The following CSMD1 variants were observed in gnomAD, a reference collection of about 807,000 sequenced individuals.
The protein encoded by CSMD1 is CUB and Sushi multiple domains 1, also known as CUB and sushi domain-containing protein 1.
A neutral mutation model predicts 417.5 loss-of-function variants in CSMD1; 213 were observed. The ratio of observed to expected loss-of-function variants is 0.51; its 90% CI spans 0.46 to 0.57. The LOEUF (loss-of-function observed/expected upper bound fraction) is 0.57, where lower values mean the gene tolerates loss of function less well. CSMD1 is among the 20% of genes least tolerant of loss of function. The probability of loss-of-function intolerance (pLI) is 0.00; values close to 1 mark genes in which losing one functional copy is unlikely to be tolerated. For missense variants in CSMD1, 6,923 were observed against 4,529.7 expected (o/e 1.53, Z -15.17); for synonymous variants, 2,862 against 1,736.8 (o/e 1.65, Z -16.11).
chr8:3,230,105 G>T lies in CSMD1; in HGVS notation c.4280C>A (p.Ala1427Asp), dbSNP rs1389240443. 6.2e-7 allele frequency: 1 copy of T among 1,613,608 alleles called. No individual in the cohort carries two copies. Among genetic ancestry groups the T allele is most frequent in the Non-Finnish European group, 8.5e-7 (1 of 1,179,702 alleles). Residue 1427 changes from alanine to aspartate, a missense_variant, in exon 27 of 70, where the codon GCC (alanine) becomes GAC (aspartate). Transcript: ENST00000635120. ...ATTCAGCTGCACACAGGTGATTTTGGCTTGTCCTTGGAGCTGATAGCCAGG... is the reference window on the plus strand; with the variant it reads ...ATTCAGCTGCACACAGGTGATTTTGTCTTGTCCTTGGAGCTGATAGCCAGG... ...CDPGYQLQGQ[A>D]KITCVQLNNR...
chr8:3,559,421 T>A (rs1277803218), intron 10 of CSMD1, among the ~76,000 whole-genome samples: 1 of 152,196 alleles, frequency 6.6e-6, no homozygotes, highest in Non-Finnish European at 1.5e-5. Flanking sequence ...TCTGGGAATA[T>A]ACGCAACATA....
chr8:3,009,790 G>A (rs994687466), intron 52 of CSMD1, among the ~76,000 whole-genome samples: 23 of 152,172 alleles, frequency 1.5e-4, no homozygotes, highest in Admixed American at 1.2e-3. Context: ...ACAACACTCT[G>A]TGCTGTTTGT....
chr8:4,205,213 C>G (rs969039987), intron 3 of CSMD1, among the ~76,000 whole-genome samples: 5 of 152,166 alleles, frequency 3.3e-5, no homozygotes, highest in African/African-American at 1.2e-4. Context: ...GCACATTTCT[C>G]TTTGGTAGAA....
chr8:3,091,659 G>A lies in CSMD1; in HGVS notation c.7142C>T (p.Ser2381Phe). ...QFDALEVFDGSSGQSPLLVVL... is the reference protein window; with the variant it reads ...QFDALEVFDGFSGQSPLLVVL... ...TACTAGCAGAGGACTTTGCCCAGAA[G>A]AACCTAAGTGAAACAGAAAAACAAA... Residue 2381 changes from serine (S) to phenylalanine (F), a missense_variant, in exon 48 of 70, where the codon TCT becomes TTT. Ser to Phe is a radical substitution (Grantham distance 155). Transcript: ENST00000635120. 1.2e-6 allele frequency: 2 copies of A among 1,606,386 alleles called. No individual in the cohort carries two copies. The highest frequency in any genetic ancestry group is 1.7e-6 in the Non-Finnish European group (2 of 1,178,280).
chr8:4,787,798 G>C, intron 1 of CSMD1: 3 of 1,573,728 alleles, frequency 1.9e-6, no homozygotes, highest in South Asian at 2.2e-5. Flanking sequence ...GACTGAATTG[G>C]ATATCATGAG....
chr8:3,242,268 T>A (rs539875194), intron 26 of CSMD1, among the ~76,000 whole-genome samples: 4 of 150,952 alleles, frequency 2.6e-5, no homozygotes, highest in East Asian at 3.9e-4. Flanking sequence ...CTGAGGAAGA[T>A]TTGGGACCTA....
chr8:4,113,147 A>G (rs1238625181), intron 3 of CSMD1, among the ~76,000 whole-genome samples: 1 of 151,654 alleles, frequency 6.6e-6, no homozygotes, highest in African/African-American at 2.4e-5. Flanking sequence ...TCTTTATCTT[A>G]CTCTCCCTCC....
intron 40 of CSMD1, among the ~76,000 whole-genome samples, chr8:3,144,799 G>GA (rs1563083836): frequency 7.2e-6 from 1 of 138,436 alleles, no homozygotes. Flanking sequence ...CAACAAGGGG[G>GA]GGGGGGAGGG....
intron 4 of CSMD1, among the ~76,000 whole-genome samples, chr8:3,998,383 G>T (rs938383871): frequency 1.3e-5 from 2 of 152,186 alleles, no homozygotes; most frequent in Non-Finnish European, 2.9e-5. Flanking sequence ...TAGTTGCCAT[G>T]TACCTGACAT....
intron 3 of CSMD1, among the ~76,000 whole-genome samples, chr8:4,403,340 C>T (rs1804780055): frequency 6.6e-6 from 1 of 152,232 alleles, no homozygotes. Context: ...CATTTTAGAA[C>T]AAAACTCCTT....
At chr8:4,222,755 G>C (rs1000910224) in intron 3 of CSMD1, among the ~76,000 whole-genome samples, 63 of 152,220 alleles carry the variant, frequency 4.1e-4, no homozygotes, top group African/African-American at 1.5e-3. Flanking sequence ...TGCCCAGATG[G>C]AGGTTATAGT....
chr8:3,995,665 T>G (rs143769176), intron 5 of CSMD1, among the ~76,000 whole-genome samples: 1 of 152,330 alleles, frequency 6.6e-6, no homozygotes, highest in Admixed American at 6.5e-5. Flanking sequence ...TTTTTAAATC[T>G]ACAATAATAA....
In CSMD1 at chr8:3,697,549, A is replaced by G. The variant is rs1585092668; in HGVS notation, c.1009+10865T>C. On this transcript the variant is annotated intron_variant, in intron 7 of 69. Transcript: ENST00000635120. ...TTAAAGTTTCTGACTTTAGTTACTC[A>G]CTAACAAAGACTTGCTCATGTAAGA... Among the ~76,000 whole-genome samples the G allele has an allele frequency of 1.3e-5, 2 of 152,302 alleles. 1 individual carries two copies. The highest frequency in any genetic ancestry group is 6.8e-3 in the Middle Eastern group (2 of 294).
intron 3 of CSMD1, among the ~76,000 whole-genome samples, chr8:4,091,878 C>T (rs531142112): frequency 2.6e-5 from 4 of 152,260 alleles, no homozygotes; most frequent in East Asian, 3.9e-4. Flanking sequence ...TTAGACTCCG[C>T]ATTGTAAGAA....
At chr8:4,655,139 G>T (rs545002829) in intron 1 of CSMD1, among the ~76,000 whole-genome samples, 1 of 151,872 alleles carries the variant, frequency 6.6e-6, no homozygotes, top group African/African-American at 2.4e-5. Flanking sequence ...TACTAAGACA[G>T]TTTTGATTCT....
chr8:3,974,577 C>G (rs1265420476), intron 5 of CSMD1, among the ~76,000 whole-genome samples: 1 of 151,884 alleles, frequency 6.6e-6, no homozygotes, highest in Admixed American at 6.6e-5. Flanking sequence ...GAACTAGTGG[C>G]AATCCTTTTT....
intron 2 of CSMD1, among the ~76,000 whole-genome samples, chr8:4,621,791 G>C (rs988288897): frequency 6.6e-6 from 1 of 151,992 alleles, no homozygotes; most frequent in African/African-American, 2.4e-5. Flanking sequence ...ACTACTGTAA[G>C]TCAAACCCAA....
At chr8:3,168,815 T>C (rs937177919) in intron 37 of CSMD1, among the ~76,000 whole-genome samples, 4 of 152,040 alleles carry the variant, frequency 2.6e-5, no homozygotes, top group Non-Finnish European at 5.9e-5. Flanking sequence ...AAATGCTATT[T>C]CTATTATTTC....
At chr8:3,310,491 C>CTAT (rs1265573939) in intron 23 of CSMD1, among the ~76,000 whole-genome samples, 10 of 152,160 alleles carry the variant, frequency 6.6e-5, no homozygotes, top group Non-Finnish European at 1.5e-5. Context: ...GTCCACCTCC[C>CTAT]TATTAATAAC....
Sources: gnomAD v4.1 joint callset for allele counts (sites outside exome capture counted in the v4.1 genomes callset) on GRCh38, gnomAD v4.1.1 for gene constraint, MANE v1.5 for transcripts, NCBI Gene and HGNC (gene_info 2026-07-23, HGNC 2026-07-21) for gene names.